APBA2: variants seen among roughly 807,000 people sequenced by gnomAD.
APBA2 encodes amyloid beta precursor protein binding family A member 2.
In APBA2, 30 loss-of-function variants were observed where a neutral mutation model predicts 75.0. The ratio of observed to expected loss-of-function variants is 0.40; its 90% confidence interval spans 0.30 to 0.54. The LOEUF (loss-of-function observed/expected upper bound fraction) is 0.54. Ranked by LOEUF, APBA2 falls within the 20% of genes least tolerant of loss-of-function variation. The pLI, the probability that APBA2 is intolerant of heterozygous loss-of-function variation, is 0.49. For missense variants in APBA2, 801 were observed against 1,016.1 expected (o/e 0.79, Z 2.88); for synonymous variants, 444 against 409.6 (o/e 1.08, Z -1.01).
At chr15:29,021,054 C>T (rs1049204088) in intron 3 of APBA2, among the ~76,000 whole-genome samples, 2 of 151,986 alleles carry the variant, frequency 1.3e-5, no homozygotes, top group East Asian at 1.9e-4. Context: ...TGGGGAAATC[C>T]GTTTTGTTTA....
intron 1 of APBA2, among the ~76,000 whole-genome samples, chr15:28,914,638 C>T (rs1467628768): frequency 6.6e-5 from 10 of 152,158 alleles, no homozygotes; most frequent in African/African-American, 1.9e-4. Flanking sequence ...GTCCTGCCCG[C>T]GCACCCCGGA....
At chr15:29,112,090 T>G (rs1297541296) in intron 13 of APBA2, among the ~76,000 whole-genome samples, 2 of 152,208 alleles carry the variant, frequency 1.3e-5, no homozygotes, top group African/African-American at 4.8e-5. Flanking sequence ...AGCTCTCACC[T>G]GTGTCCTCCC....
At position 29,046,301 on chromosome 15, in the gene APBA2, C is replaced by T. The variant is rs1478785783; in HGVS notation, c.-40-7544C>T. Among the ~76,000 whole-genome samples the T allele has an allele frequency of 6.6e-6, 1 of 152,216 alleles. No homozygotes were observed. The highest frequency in any genetic ancestry group is 1.5e-5 in the Non-Finnish European group (1 of 68,044). On this transcript the variant is annotated intron_variant, in intron 3 of 14. Coordinates refer to ENST00000683413, the MANE Select transcript of APBA2 (RefSeq NM_001353788.2). This position sits in a 1 kb window ranked among gnomAD's most constrained non-coding sequence, Gnocchi z 5.0. ...TTGTTTCTACCTACGTTTTTGCCCA[C>T]CTTTCCTTCTCACCTCCCCTTGGCC...
At chr15:29,103,879 C>T (rs2044261919) in intron 10 of APBA2, among the ~76,000 whole-genome samples, 1 of 152,222 alleles carries the variant, frequency 6.6e-6, no homozygotes, top group South Asian at 2.1e-4. Context: ...GGCCCTCCTG[C>T]CGAGCCCCAT....
rs117062730 is a variant in APBA2 at position 29,027,254 on chromosome 15, G to A, written c.-40-26591G>A. Among the ~76,000 whole-genome samples, 62 of 152,148 alleles carry A rather than the reference G, an allele frequency of 4.1e-4. No individual in the cohort carries two copies. The East Asian group carries it at 0.012, about 29-fold the overall frequency. ...CTATTCCTTGAAAATGTAATAAAAC[G>A]TGTTTGTCAATTCATCTCGGTCTGG... On this transcript the variant is annotated intron_variant, in intron 3 of 14. Transcript: ENST00000683413.
chr15:28,988,332 C>T (rs1386364023), intron 2 of APBA2, among the ~76,000 whole-genome samples: 5 of 150,514 alleles, frequency 3.3e-5, no homozygotes, highest in Admixed American at 6.6e-5. Flanking sequence ...GGCGTGATCT[C>T]GGCTCACGGC....
intron 6 of APBA2, among the ~76,000 whole-genome samples, chr15:29,088,375 C>A: frequency 6.6e-6 from 1 of 152,140 alleles, no homozygotes; most frequent in East Asian, 1.9e-4. Flanking sequence ...CGAGTCCAGC[C>A]GCCTACTGAG....
intron 1 of APBA2, among the ~76,000 whole-genome samples, chr15:28,903,950 G>A (rs1199569985): frequency 6.6e-6 from 1 of 152,092 alleles, no homozygotes; most frequent in Non-Finnish European, 1.5e-5. Context: ...CCACTCATCC[G>A]GATTTTGTGA....
At chr15:29,002,871 G>A (rs935455072) in intron 3 of APBA2, among the ~76,000 whole-genome samples, 11 of 152,146 alleles carry the variant, frequency 7.2e-5, no homozygotes, top group Admixed American at 7.2e-4. Context: ...CATCAGTCCA[G>A]TGGGTTGTCC....
intron 13 of APBA2, among the ~76,000 whole-genome samples, chr15:29,111,349 CT>C (rs577104683): frequency 8.0e-4 from 122 of 152,176 alleles, no homozygotes; most frequent in African/African-American, 2.7e-3. Flanking sequence ...GTCCCACTTC[CT>C]TGAGGCCTCA....
chr15:29,045,743 G>A (rs2041292894), intron 3 of APBA2, among the ~76,000 whole-genome samples: 1 of 152,154 alleles, frequency 6.6e-6, no homozygotes, highest in Non-Finnish European at 1.5e-5. Flanking sequence ...GCTTTCTATG[G>A]GTGGAACAAC....
chr15:28,969,128 T>TTTTCTTTTCTTTCTTTCTTTC (rs1555383717), intron 2 of APBA2, among the ~76,000 whole-genome samples: 2 of 137,026 alleles, frequency 1.5e-5, no homozygotes, highest in African/African-American at 5.1e-5. Flanking sequence ...TTTCATTTCT[T>TTTTCTTTTCTTTCTTTCTTTC]TTTCTTTCTT....
chr15:28,926,857 C>CTTT (rs1183331218), intron 2 of APBA2, among the ~76,000 whole-genome samples: 18 of 126,708 alleles, frequency 1.4e-4, no homozygotes, highest in East Asian at 4.8e-4. Context: ...CTCTCTCTCT[C>CTTT]TTTTTTTTTT....
intron 3 of APBA2, among the ~76,000 whole-genome samples, chr15:29,049,211 A>G (rs930904839): frequency 5.9e-5 from 9 of 152,224 alleles, no homozygotes; most frequent in Non-Finnish European, 1.2e-4. Context: ...GAGACATTCT[A>G]GGTTCATTGG....
intron 3 of APBA2, among the ~76,000 whole-genome samples, chr15:29,050,752 C>T (rs1431224809): frequency 6.6e-6 from 1 of 152,146 alleles, no homozygotes; most frequent in Non-Finnish European, 1.5e-5. Flanking sequence ...GTGCATATTA[C>T]AGATTTTATC....
intron 8 of APBA2, among the ~76,000 whole-genome samples, chr15:29,094,592 A>G (rs2043756317): frequency 1.3e-5 from 2 of 152,238 alleles, no homozygotes; most frequent in Admixed American, 1.3e-4. Context: ...TTTTACGTGG[A>G]CATTTTAAAT....
At chr15:29,043,656 A>G (rs1003694516) in intron 3 of APBA2, among the ~76,000 whole-genome samples, 1 of 152,194 alleles carries the variant, frequency 6.6e-6, no homozygotes, top group African/African-American at 2.4e-5. Context: ...TAAATATTTC[A>G]GATGCCACAA....
At chr15:28,916,137 G>A (rs1174048847) in intron 1 of APBA2, among the ~76,000 whole-genome samples, 2 of 152,204 alleles carry the variant, frequency 1.3e-5, no homozygotes, top group African/African-American at 2.4e-5. Flanking sequence ...GGTCAGCACC[G>A]CCTCCTGTGT....
chr15:28,915,628 C>G (rs2033656826), intron 1 of APBA2, among the ~76,000 whole-genome samples: 1 of 151,394 alleles, frequency 6.6e-6, no homozygotes, highest in Non-Finnish European at 1.5e-5. Flanking sequence ...ACACACCACA[C>G]ACACTATACA....
Sources: gnomAD v4.1 joint callset for allele counts (sites outside exome capture counted in the v4.1 genomes callset) on GRCh38, gnomAD v4.1.1 for gene constraint, Gnocchi (gnomAD v3.1) non-coding constraint, MANE v1.5 for transcripts, NCBI Gene and HGNC (gene_info 2026-07-23, HGNC 2026-07-21) for gene names.